Variants in NALF1 observed in about 807,000 individuals in gnomAD.
The protein encoded by NALF1 is NALCN channel auxiliary factor 1.
NALF1 carries 3 observed loss-of-function variants against 48.4 expected under a neutral mutation model. That is an observed-to-expected ratio of 0.06 (90% CI 0.03 to 0.16). The LOEUF (loss-of-function observed/expected upper bound fraction) is 0.16, where lower values mean the gene tolerates loss of function less well. Ranked by LOEUF, NALF1 falls within the 10% of genes least tolerant of loss-of-function variation. The pLI, the probability that NALF1 is intolerant of heterozygous loss-of-function variation, is 1.00. For synonymous variants in NALF1, 262 were observed against 245.7 expected, an observed-to-expected ratio of 1.07 and a Z score of -0.62; for missense variants, 526 against 571.5, an observed-to-expected ratio of 0.92 and a Z score of 0.81.
chr13:107,845,654 C>T (rs1403536574), intron 1 of NALF1, among the ~76,000 whole-genome samples: 1 of 152,132 alleles, frequency 6.6e-6, no homozygotes, highest in Non-Finnish European at 1.5e-5. Flanking sequence ...TGAGAATAAT[C>T]TCTCAGATCT....
At chr13:107,640,150 A>T (rs1407800340) in intron 1 of NALF1, among the ~76,000 whole-genome samples, 13 of 152,174 alleles carry the variant, frequency 8.5e-5, no homozygotes, top group Admixed American at 8.5e-4. Context: ...AATTATAATT[A>T]AAAGAAACTT....
chr13:107,557,373 G>A (rs1239400200), intron 1 of NALF1, among the ~76,000 whole-genome samples: 1 of 152,162 alleles, frequency 6.6e-6, no homozygotes, highest in African/African-American at 2.4e-5. Context: ...TCACATTTGG[G>A]GAAAAGATGG....
rs74869099 is a variant in NALF1, at chr13:107,721,168, C to T, written c.915+144514G>A. ...CACACACGTAATGAAATAATCATAA[C>T]TCTCATTTATGGAATAGACATGAAG... On this transcript the variant is annotated intron_variant, in intron 1 of 2. Transcript: ENST00000375915. Among the ~76,000 whole-genome samples the T allele has an allele frequency of 5.7e-3, 864 of 151,788 alleles. 23 individuals carry two copies. The East Asian group carries it at 0.091, about 16-fold the overall frequency.
intron 1 of NALF1, among the ~76,000 whole-genome samples, chr13:107,415,883 G>A (rs941500820): frequency 2.0e-5 from 3 of 152,168 alleles, no homozygotes; most frequent in African/African-American, 7.2e-5. Flanking sequence ...TCAACTCTGA[G>A]TTTATATCCG....
intron 1 of NALF1, among the ~76,000 whole-genome samples, chr13:107,550,571 T>C (rs1877265245): frequency 6.6e-6 from 1 of 152,180 alleles, no homozygotes; most frequent in Admixed American, 6.5e-5. Flanking sequence ...CTTTTCCTCG[T>C]TATTCAAAAT....
At chr13:107,218,535 G>A (rs1021498484) in intron 1 of NALF1, among the ~76,000 whole-genome samples, 1 of 152,168 alleles carries the variant, frequency 6.6e-6, no homozygotes, top group Non-Finnish European at 1.5e-5. Flanking sequence ...GAACCCTGAT[G>A]AGCCCCCAAC....
intron 1 of NALF1, among the ~76,000 whole-genome samples, chr13:107,225,459 T>A (rs537668884): frequency 6.6e-6 from 1 of 152,176 alleles, no homozygotes; most frequent in Non-Finnish European, 1.5e-5. Flanking sequence ...AAATTTTTAA[T>A]AGAGATAGGA....
chr13:107,196,336 G>A (rs1879392790), intron 2 of NALF1, among the ~76,000 whole-genome samples: 1 of 152,110 alleles, frequency 6.6e-6, no homozygotes, highest in African/African-American at 2.4e-5. Context: ...TCATTTATAA[G>A]TCTCTAGAAT....
intron 1 of NALF1, among the ~76,000 whole-genome samples, chr13:107,568,914 A>G (rs1174453417): frequency 6.6e-6 from 1 of 152,178 alleles, no homozygotes; most frequent in Non-Finnish European, 1.5e-5. Context: ...CTTTTGCAGA[A>G]CATTTTTTAA....
intron 2 of NALF1, among the ~76,000 whole-genome samples, chr13:107,190,097 G>A (rs563553568): frequency 1.3e-5 from 2 of 152,234 alleles, no homozygotes; most frequent in South Asian, 4.1e-4. Flanking sequence ...CAGTGTTACT[G>A]TTTAGTATAT....
chr13:107,487,518 G>T (rs1210338324), intron 1 of NALF1, among the ~76,000 whole-genome samples: 1 of 152,154 alleles, frequency 6.6e-6, no homozygotes, highest in African/African-American at 2.4e-5. Context: ...GAGTGGACAT[G>T]TGTATCCACT....
At chr13:107,259,154 C>A (rs1235749535) in intron 1 of NALF1, among the ~76,000 whole-genome samples, 1 of 152,170 alleles carries the variant, frequency 6.6e-6, no homozygotes, top group African/African-American at 2.4e-5. Flanking sequence ...TGAGCTGCTC[C>A]TGGCCACGTG....
intron 1 of NALF1, among the ~76,000 whole-genome samples, chr13:107,795,138 G>A (rs1594272132): frequency 6.6e-6 from 1 of 152,188 alleles, no homozygotes; most frequent in Admixed American, 6.5e-5. Flanking sequence ...ACATGCATTC[G>A]CAGTTTCTAT....
intron 1 of NALF1, among the ~76,000 whole-genome samples, chr13:107,236,687 ATC>A (rs1880352159): frequency 7.7e-6 from 1 of 129,826 alleles, no homozygotes; most frequent in African/African-American, 3.1e-5. Flanking sequence ...CTATCTATCT[ATC>A]TATCTATCTA....
chr13:107,684,240 T>C (rs1455927458), intron 1 of NALF1, among the ~76,000 whole-genome samples: 1 of 152,240 alleles, frequency 6.6e-6, no homozygotes, highest in African/African-American at 2.4e-5. Context: ...CTCGCTCCTT[T>C]CTGAATCTTC....
intron 1 of NALF1, among the ~76,000 whole-genome samples, chr13:107,356,088 A>G (rs1882958878): frequency 6.6e-6 from 1 of 152,180 alleles, no homozygotes; most frequent in African/African-American, 2.4e-5. Flanking sequence ...CCACTCCTTA[A>G]CAAACACAGG....
chr13:107,797,892 T>A (rs780243891), intron 1 of NALF1, among the ~76,000 whole-genome samples: 1 of 152,220 alleles, frequency 6.6e-6, no homozygotes, highest in Non-Finnish European at 1.5e-5. Context: ...ATACTTTCAA[T>A]GGAACTAATG....
At chr13:107,707,608 C>T (rs757008501) in intron 1 of NALF1, among the ~76,000 whole-genome samples, 1 of 152,210 alleles carries the variant, frequency 6.6e-6, no homozygotes, top group Non-Finnish European at 1.5e-5. Context: ...CAGGAATGCA[C>T]AGACCAGTTG....
At chr13:107,770,818 T>C (rs1224012803) in intron 1 of NALF1, among the ~76,000 whole-genome samples, 2 of 152,228 alleles carry the variant, frequency 1.3e-5, no homozygotes, top group Non-Finnish European at 2.9e-5. Flanking sequence ...TGACCTGACT[T>C]ACATTTTTCT....
Sources: allele counts gnomAD v4.1 joint callset (sites outside exome capture counted in the v4.1 genomes callset), GRCh38; gene constraint gnomAD v4.1.1; transcripts MANE v1.5; gene names NCBI Gene and HGNC (gene_info 2026-07-23, HGNC 2026-07-21).